The following MPP7 variants were observed in gnomAD, a reference collection of about 807,000 sequenced individuals.
MPP7 encodes MAGUK p55 subfamily member 7.
Under a neutral mutation model 76.5 loss-of-function variants are expected in MPP7, and 60 were observed. The observed-to-expected ratio is 0.78, with a 90% CI of 0.64 to 0.97. The LOEUF (loss-of-function observed/expected upper bound fraction) is 0.97. MPP7 is among the 50% of genes least tolerant of loss of function. The pLI, the probability that MPP7 is intolerant of heterozygous loss-of-function variation, is 0.00. For synonymous variants in MPP7, 237 were observed against 244.5 expected (o/e 0.97, Z 0.29); for missense variants, 641 against 694.0 (o/e 0.92, Z 0.86).
At chr10:28,201,679 C>T (rs918655889) in intron 3 of MPP7, among the ~76,000 whole-genome samples, 1 of 152,062 alleles carries the variant, frequency 6.6e-6, no homozygotes, top group Non-Finnish European at 1.5e-5. Flanking sequence ...ATACAAAATA[C>T]CACTTCAATG....
chr10:28,271,589 C>T (rs551111445), intron 1 of MPP7, among the ~76,000 whole-genome samples: 1 of 152,154 alleles, frequency 6.6e-6, no homozygotes, highest in Non-Finnish European at 1.5e-5. Flanking sequence ...CCTGTTTGTA[C>T]TCCCTGGGAA....
chr10:28,302,058 CT>C (rs974208891), intron 1 of MPP7, among the ~76,000 whole-genome samples: 3 of 152,134 alleles, frequency 2.0e-5, no homozygotes, highest in Non-Finnish European at 4.4e-5. Flanking sequence ...AGAGCCCCCC[CT>C]TTTTTAAATG....
intron 3 of MPP7, among the ~76,000 whole-genome samples, chr10:28,174,206 G>A (rs1028279815): frequency 3.7e-4 from 53 of 142,860 alleles, no homozygotes; most frequent in African/African-American, 1.1e-3. Flanking sequence ...AATACAAACC[G>A]CAACAATACC....
intron 2 of MPP7, among the ~76,000 whole-genome samples, chr10:28,321,948 CGTGTGT>C (rs3064171): frequency 0.015 from 2,146 of 143,336 alleles, 24 homozygotes; most frequent in South Asian, 0.02. Flanking sequence ...TTTTTGTAGA[CGTGTGT>C]GTGTGTGTGT....
chr10:28,239,085 T>C (rs1052816670), intron 1 of MPP7, among the ~76,000 whole-genome samples: 2 of 152,200 alleles, frequency 1.3e-5, no homozygotes, highest in Non-Finnish European at 2.9e-5. Flanking sequence ...CTCAGCTACA[T>C]TTCTAAATGT....
intron 2 of MPP7, among the ~76,000 whole-genome samples, chr10:28,327,870 A>G (rs1185279158): frequency 6.6e-6 from 1 of 152,212 alleles, no homozygotes; most frequent in Non-Finnish European, 1.5e-5. Context: ...AAGAGCTCGG[A>G]TAATAACTCC....
At chr10:28,202,942 C>A (rs1327225480) in intron 2 of MPP7, 1 of 152,116 alleles carries the variant, frequency 6.6e-6, no homozygotes, top group Non-Finnish European at 1.5e-5. Flanking sequence ...GGCGTCCTCA[C>A]TAGCCACTTC....
Position 28,054,124 on chromosome 10 carries a change from T to C in MPP7, c.1672A>G (p.Thr558Ala), listed in dbSNP as rs762626427. 6.2e-6 allele frequency: 10 copies of C among 1,613,558 alleles called. No homozygotes were observed. The East Asian group carries it at 1.3e-4, about 22-fold the overall frequency. ...GTCTCTGTCTCTAATTTGTCAAAAG[T>C]TGTTTTGAGCTCATTGAATGCCACA... ...LTVAFNELKT[T>A]FDKLETETHW... is the part of the protein sequence containing the mutation. Residue 558 changes from threonine to alanine, a missense_variant, in exon 17 of 17, where the codon ACT (threonine) becomes GCT (alanine). Physicochemically the swap from Thr to Ala is moderately conservative, Grantham distance 58. Coordinates refer to ENST00000683449, the MANE Select transcript of MPP7 (RefSeq NM_001318170.2).
chr10:28,179,327 A>T (rs1836982768), intron 3 of MPP7, among the ~76,000 whole-genome samples: 1 of 152,144 alleles, frequency 6.6e-6, no homozygotes, highest in Admixed American at 6.5e-5. Context: ...TCCCTATCTC[A>T]GTAATAATTA....
intron 1 of MPP7, among the ~76,000 whole-genome samples, chr10:28,294,585 C>T (rs1051551749): frequency 4.6e-5 from 7 of 152,188 alleles, no homozygotes; most frequent in Non-Finnish European, 7.3e-5. Context: ...CTAGGATCCA[C>T]AAACTTTTCC....
chr10:28,135,866 A>G (rs1204631400), intron 5 of MPP7, among the ~76,000 whole-genome samples: 6 of 152,200 alleles, frequency 3.9e-5, no homozygotes, highest in Non-Finnish European at 7.3e-5. Flanking sequence ...AGGGGTCTTC[A>G]ACCCCAGGCC....
At chr10:28,148,477 T>G (rs1045912815) in intron 4 of MPP7, among the ~76,000 whole-genome samples, 1 of 152,206 alleles carries the variant, frequency 6.6e-6, no homozygotes, top group Admixed American at 6.5e-5. Context: ...TGCCCCTACT[T>G]TTTCTAACAA....
intron 3 of MPP7, among the ~76,000 whole-genome samples, chr10:28,200,944 C>G (rs1437811964): frequency 6.6e-6 from 1 of 151,954 alleles, no homozygotes; most frequent in East Asian, 1.9e-4. Flanking sequence ...CTAAATAAAC[C>G]CATAGCTATC....
At chr10:28,208,161 C>T (rs1012053457) in intron 2 of MPP7, among the ~76,000 whole-genome samples, 4 of 152,234 alleles carry the variant, frequency 2.6e-5, no homozygotes, top group African/African-American at 7.2e-5. Context: ...CACAGGAGAA[C>T]GTGTGTTTGC....
At chr10:28,306,692 A>G (rs898907065), upstream of MPP7, among the ~76,000 whole-genome samples, 2 of 81,702 alleles carry the variant, frequency 2.4e-5, no homozygotes, top group Admixed American at 1.0e-4. Flanking sequence ...GAGATGATAG[A>G]TAATAGATAG....
chr10:28,063,693 T>C (rs11006822), intron 13 of MPP7, among the ~76,000 whole-genome samples: 20,644 of 151,922 alleles, frequency 0.14, 2,335 homozygotes, highest in East Asian at 0.62. Flanking sequence ...GAGACCTAGA[T>C]TGGGTACTCC....
At chr10:28,113,840 G>C (rs1268854934) in intron 11 of MPP7, among the ~76,000 whole-genome samples, 1 of 152,130 alleles carries the variant, frequency 6.6e-6, no homozygotes, top group Non-Finnish European at 1.5e-5. Flanking sequence ...ATCATGTTTT[G>C]ATTACTCAAG....
chr10:28,115,346 G>T (rs867312325), intron 11 of MPP7, among the ~76,000 whole-genome samples: 2 of 152,072 alleles, frequency 1.3e-5, no homozygotes, highest in Non-Finnish European at 2.9e-5. Context: ...CTTGTGATCT[G>T]CCTGCCTCGG....
At chr10:28,126,581 T>C (rs369759029) in intron 6 of MPP7, among the ~76,000 whole-genome samples, 160 of 152,324 alleles carry the variant, frequency 1.1e-3, no homozygotes, top group African/African-American at 3.6e-3. Flanking sequence ...ATCTCAATCA[T>C]CATCCAATAC....
Sources: allele counts gnomAD v4.1 joint callset (sites outside exome capture counted in the v4.1 genomes callset), GRCh38; gene constraint gnomAD v4.1.1; transcripts MANE v1.5; gene names NCBI Gene and HGNC (gene_info 2026-07-23, HGNC 2026-07-21).